The following FARS2 variants were observed in gnomAD, a reference collection of about 807,000 sequenced individuals.
FARS2 encodes the protein phenylalanine--tRNA ligase, mitochondrial.
In FARS2, 40 loss-of-function variants were observed where a neutral mutation model predicts 46.4. The observed-to-expected ratio is 0.86, with a 90% CI of 0.67 to 1.12. FARS2 has a LOEUF of 1.12. Ranked by LOEUF, FARS2 falls within the 50% of genes most tolerant of loss-of-function variation. The pLI, the probability that FARS2 is intolerant of heterozygous loss-of-function variation, is 0.00. For missense variants in FARS2, 513 were observed against 567.9 expected (o/e 0.90, Z 0.98); for synonymous variants, 234 against 214.9 (o/e 1.09, Z -0.78).
chr6:5,679,840 C>T (rs998339505), intron 6 of FARS2, among the ~76,000 whole-genome samples: 7 of 151,672 alleles, frequency 4.6e-5, no homozygotes, highest in Non-Finnish European at 7.4e-5. Flanking sequence ...GGAACCCTCA[C>T]TTCCCCCACC....
chr6:5,712,632 C>T (rs1191887910), intron 6 of FARS2, among the ~76,000 whole-genome samples: 2 of 152,244 alleles, frequency 1.3e-5, no homozygotes, highest in Non-Finnish European at 1.5e-5. Context: ...AGCTGGAAAG[C>T]GGCAGAGCCA....
chr6:5,676,934 A>G (rs73718358), intron 6 of FARS2, among the ~76,000 whole-genome samples: 1,978 of 152,356 alleles, frequency 0.013, 49 homozygotes, highest in African/African-American at 0.045. Context: ...TCCATTTGAG[A>G]AAACCACAGA....
intron 1 of FARS2, among the ~76,000 whole-genome samples, chr6:5,297,665 A>G (rs1452618589): frequency 6.6e-6 from 1 of 152,150 alleles, no homozygotes; most frequent in Non-Finnish European, 1.5e-5. Context: ...AAAAAAATAA[A>G]AAAAAACCCA....
At chr6:5,509,298 C>T (rs1768287161) in intron 4 of FARS2, among the ~76,000 whole-genome samples, 2 of 152,146 alleles carry the variant, frequency 1.3e-5, no homozygotes, top group African/African-American at 2.4e-5. Context: ...GCGTGGAGCT[C>T]GAGGGTGACA....
At position 5,575,597 on chromosome 6, in the gene FARS2, T is replaced by TG. The variant is rs758588193; in HGVS notation, c.1065+30257_1065+30258insG. Among the ~76,000 whole-genome samples the TG allele has an allele frequency of 1.6e-3, 245 of 152,218 alleles. 2 individuals carry two copies. The highest frequency in any genetic ancestry group is 3.2e-3 in the Middle Eastern group (1 of 316). ...TCTAATCCAAAGCCCATATTCAAAT[T>TG]TTGTCAGCTCTCCCCATAGTGTCCT... On this transcript the variant is annotated intron_variant, in intron 5 of 6. Coordinates refer to ENST00000274680, the MANE Select transcript of FARS2 (RefSeq NM_006567.5).
intron 1 of FARS2, among the ~76,000 whole-genome samples, chr6:5,329,093 C>T (rs552834943): frequency 9.3e-5 from 14 of 150,868 alleles, no homozygotes; most frequent in African/African-American, 2.9e-4. Flanking sequence ...GTAGCCTGCT[C>T]GATCTCTAAA....
chr6:5,462,023 G>A lies in FARS2; in HGVS notation c.904+30851G>A, dbSNP rs1765270252. Reference sequence around the variant, plus strand: ...AACTTTTTCTAAAGTGACCGTACATGAGCAATACATGAGGGTTCTAGTTTC... The same window carrying A: ...AACTTTTTCTAAAGTGACCGTACATAAGCAATACATGAGGGTTCTAGTTTC... On this transcript the variant is annotated intron_variant, in intron 4 of 6. Transcript: ENST00000274680. Among the ~76,000 whole-genome samples, 3 of 152,302 alleles carry A rather than the reference G, an allele frequency of 2.0e-5. No homozygotes were observed. The South Asian group carries it at 6.2e-4, about 32-fold the overall frequency.
intron 4 of FARS2, among the ~76,000 whole-genome samples, chr6:5,522,907 GT>G (rs1327427932): frequency 5.3e-5 from 8 of 152,266 alleles, no homozygotes; most frequent in African/African-American, 1.9e-4. Flanking sequence ...TCAAGTATTT[GT>G]TAGCTAGAGG....
intron 4 of FARS2, among the ~76,000 whole-genome samples, chr6:5,469,824 T>G (rs1266521788): frequency 2.6e-5 from 4 of 152,240 alleles, no homozygotes; most frequent in African/African-American, 9.6e-5. Flanking sequence ...TCAATATAGT[T>G]TAATGGCTTA....
rs1183097926 is a variant in FARS2, at chr6:5,758,992, A to G, written c.1218-12299A>G. On this transcript the variant is annotated intron_variant, in intron 6 of 6. Transcript: ENST00000274680. ...GTTCTGTTTCATTAGAAAAAAAAAG[A>G]TCTAAGCCAGGAGGCCCTGAGATGG... Among the ~76,000 whole-genome samples, 4 of 151,512 alleles carry G rather than the reference A, an allele frequency of 2.6e-5. No homozygotes were observed. The East Asian group carries it at 7.8e-4, about 29-fold the overall frequency.
intron 1 of FARS2, among the ~76,000 whole-genome samples, chr6:5,361,839 G>C (rs1224699028): frequency 3.9e-5 from 6 of 152,136 alleles, no homozygotes; most frequent in Non-Finnish European, 8.8e-5. Flanking sequence ...TTATGCTTTA[G>C]GGAAATGATC....
At chr6:5,659,908 C>T (rs1777772772) in intron 6 of FARS2, among the ~76,000 whole-genome samples, 2 of 152,330 alleles carry the variant, frequency 1.3e-5, no homozygotes, top group South Asian at 4.1e-4. Context: ...CTTTACAATG[C>T]ACCTCCTTCT....
chr6:5,432,722 G>A (rs1763298898), intron 4 of FARS2, among the ~76,000 whole-genome samples: 1 of 151,370 alleles, frequency 6.6e-6, no homozygotes, highest in Non-Finnish European at 1.5e-5. Flanking sequence ...TCTGAGTCAG[G>A]GTTCACCGCC....
intron 4 of FARS2, among the ~76,000 whole-genome samples, chr6:5,525,352 G>A (rs1001679318): frequency 1.2e-4 from 19 of 152,054 alleles, no homozygotes; most frequent in African/African-American, 3.9e-4. Context: ...TAGCATTGCC[G>A]ACTGTTGCAT....
chr6:5,756,860 CAT>C (rs1044850744), intron 6 of FARS2, among the ~76,000 whole-genome samples: 2 of 152,228 alleles, frequency 1.3e-5, no homozygotes, highest in Non-Finnish European at 2.9e-5. Context: ...TCTTCGATCA[CAT>C]GTTTCAGCCA....
intron 1 of FARS2, among the ~76,000 whole-genome samples, chr6:5,281,755 C>A (rs1430884729): frequency 6.6e-6 from 1 of 152,152 alleles, no homozygotes; most frequent in East Asian, 1.9e-4. Flanking sequence ...GGATCACCTC[C>A]TTTAACGTGA....
At chr6:5,312,821 T>A (rs991495948) in intron 1 of FARS2, among the ~76,000 whole-genome samples, 28 of 152,334 alleles carry the variant, frequency 1.8e-4, no homozygotes, top group Non-Finnish European at 3.7e-4. Context: ...CCCTTTTTTT[T>A]AGGCTTACAT....
At chr6:5,589,183 A>C (rs2150598738) in intron 5 of FARS2, among the ~76,000 whole-genome samples, 1 of 152,188 alleles carries the variant, frequency 6.6e-6, no homozygotes, top group East Asian at 1.9e-4. Context: ...AGCTAGAGCC[A>C]GCTCCCCCCG....
At chr6:5,618,709 C>A (rs1337836062) in intron 6 of FARS2, among the ~76,000 whole-genome samples, 1 of 152,206 alleles carries the variant, frequency 6.6e-6, no homozygotes, top group Non-Finnish European at 1.5e-5. Flanking sequence ...CATTTAGAAC[C>A]TTCTCCCAGA....
Sources: allele counts gnomAD v4.1 joint callset (sites outside exome capture counted in the v4.1 genomes callset), GRCh38; gene constraint gnomAD v4.1.1; transcripts MANE v1.5; gene names NCBI Gene and HGNC (gene_info 2026-07-23, HGNC 2026-07-21).